Variants in EIF4G3 observed in about 807,000 individuals in gnomAD.
EIF4G3 encodes the protein eIF-4-gamma 3.
EIF4G3 carries 34 observed loss-of-function variants against 186.4 expected under a neutral mutation model. The ratio of observed to expected loss-of-function variants is 0.18; its 90% CI spans 0.14 to 0.24. The LOEUF (loss-of-function observed/expected upper bound fraction) is 0.24. Ranked by LOEUF, EIF4G3 falls within the 10% of genes least tolerant of loss-of-function variation. The pLI is 1.00. For synonymous variants in EIF4G3, 673 were observed against 679.5 expected, an observed-to-expected ratio of 0.99 and a Z score of 0.15; for missense variants, 1,536 against 1,948.5, an observed-to-expected ratio of 0.79 and a Z score of 3.99.
intron 2 of EIF4G3, among the ~76,000 whole-genome samples, chr1:21,155,179 C>T (rs962287203): frequency 2.9e-5 from 4 of 139,084 alleles, no homozygotes; most frequent in Non-Finnish European, 6.0e-5. Context: ...AGGAGAATCG[C>T]TTGAACCCAG....
At chr1:20,806,315 C>T (rs1453016752), downstream of EIF4G3, 1 of 152,546 alleles carries the variant, frequency 6.6e-6, no homozygotes, top group East Asian at 1.9e-4. Context: ...CATGTGCATG[C>T]ACATACGTGC....
In EIF4G3 at chr1:21,176,277, GCCGGGTGAGGAGGCGGTA is replaced by G; in HGVS notation, c.-392_-375del. 1 of 351,358 alleles carries G rather than the reference GCCGGGTGAGGAGGCGGTA, an allele frequency of 2.8e-6. No homozygotes were observed. Among genetic ancestry groups the G allele is most frequent in the Non-Finnish European group, 4.9e-6 (1 of 202,946 alleles). 21.8% of individuals were successfully genotyped at this position (351,358 alleles called of 1,614,324 possible). A position where few individuals can be genotyped will look rare whatever the true frequency, so the allele number is the denominator to read the frequency against. ...CGCCGCCGCCGCCGCTGCTGCCGCCGCCGGGTGAGGAGGCGGTACCGCTGCTGCCGCCGCCGCCGCCGC... is the reference window on the plus strand; with the variant it reads ...CGCCGCCGCCGCCGCTGCTGCCGCCGCCGCTGCTGCCGCCGCCGCCGCCGC... On this transcript the variant is annotated 5_prime_UTR_variant, in exon 2 of 37. Coordinates refer to ENST00000602326, the MANE Select transcript of EIF4G3 (RefSeq NM_001391906.1).
intron 4 of EIF4G3, among the ~76,000 whole-genome samples, chr1:21,019,894 A>C (rs1406512610): frequency 6.6e-6 from 1 of 152,166 alleles, no homozygotes; most frequent in Non-Finnish European, 1.5e-5. Context: ...AAACAAAACA[A>C]AACAAAACAA....
chr1:20,972,896 A>T, intron 11 of EIF4G3, 106 bp downstream of exon 11: 9 of 839,010 alleles, frequency 1.1e-5, no homozygotes, highest in Non-Finnish European at 1.6e-5. Flanking sequence ...AAAAAAAAAA[A>T]GGCACAGTAA....
chr1:20,924,561 CTTTT>C (rs1014747172), intron 14 of EIF4G3, among the ~76,000 whole-genome samples: 2 of 152,022 alleles, frequency 1.3e-5, no homozygotes, highest in African/African-American at 4.8e-5. Context: ...GAGAATTGTT[CTTTT>C]TGTTTTGTTT....
chr1:20,835,822 A>C (rs1366896190), intron 30 of EIF4G3, among the ~76,000 whole-genome samples: 1 of 151,988 alleles, frequency 6.6e-6, no homozygotes, highest in East Asian at 1.9e-4. Flanking sequence ...CTACTGTCCC[A>C]GCTACTTGAG....
intron 2 of EIF4G3, among the ~76,000 whole-genome samples, chr1:21,172,161 A>G (rs1407579122): frequency 1.4e-5 from 2 of 148,066 alleles, no homozygotes; most frequent in Non-Finnish European, 3.0e-5. Context: ...ACTGAAATCC[A>G]TTTATTAAAA....
chr1:21,139,603 G>T (rs1440137196), intron 2 of EIF4G3, among the ~76,000 whole-genome samples: 5 of 152,170 alleles, frequency 3.3e-5, no homozygotes, highest in Non-Finnish European at 5.9e-5. Context: ...AGACCTAAAT[G>T]AACTCACTAC....
chr1:21,034,444 C>T (rs547573845), intron 4 of EIF4G3, among the ~76,000 whole-genome samples: 6 of 152,218 alleles, frequency 3.9e-5, no homozygotes, highest in Admixed American at 3.9e-4. Flanking sequence ...CAGTACTCTA[C>T]ACAAATTGAA....
chr1:21,103,520 G>A (rs115651430), intron 2 of EIF4G3, among the ~76,000 whole-genome samples: 1 of 152,098 alleles, frequency 6.6e-6, no homozygotes, highest in African/African-American at 2.4e-5. Flanking sequence ...TTACAGCAGT[G>A]GAAGAATGAA....
intron 12 of EIF4G3, among the ~76,000 whole-genome samples, chr1:20,952,497 G>C (rs1404256942): frequency 6.6e-6 from 1 of 152,064 alleles, no homozygotes; most frequent in Non-Finnish European, 1.5e-5. Flanking sequence ...TTTTAATTTA[G>C]GATAATCTTG....
chr1:21,051,041 A>T, intron 3 of EIF4G3, 47 bp from the exon 4 acceptor site: 1 of 713,588 alleles, frequency 1.4e-6, no homozygotes, highest in Non-Finnish European at 2.6e-6. Flanking sequence ...TAGTAAATCA[A>T]TCTTAATAAA....
intron 10 of EIF4G3, among the ~76,000 whole-genome samples, chr1:20,974,393 T>C (rs971508600): frequency 3.9e-5 from 6 of 152,078 alleles, no homozygotes; most frequent in Admixed American, 2.6e-4. Context: ...AAGGCAGTGG[T>C]TGAAATCAAG....
At chr1:21,036,756 C>A (rs2093237406) in intron 4 of EIF4G3, among the ~76,000 whole-genome samples, 1 of 152,024 alleles carries the variant, frequency 6.6e-6, no homozygotes, top group Non-Finnish European at 1.5e-5. Flanking sequence ...TGGCATGCAC[C>A]TATAGTCTTA....
At chr1:20,966,891 G>A (rs2074815862) in intron 12 of EIF4G3, among the ~76,000 whole-genome samples, 1 of 152,076 alleles carries the variant, frequency 6.6e-6, no homozygotes, top group South Asian at 2.1e-4. Context: ...AAAGCTATTC[G>A]TTCATTCCAT....
chr1:21,053,991 G>A (rs1266701702), intron 3 of EIF4G3, among the ~76,000 whole-genome samples: 7 of 152,192 alleles, frequency 4.6e-5, no homozygotes, highest in Admixed American at 6.5e-5. Flanking sequence ...CATTGAGAAC[G>A]GGCCACGATG....
intron 7 of EIF4G3, among the ~76,000 whole-genome samples, chr1:20,983,714 A>G (rs1277847027): frequency 2.0e-5 from 3 of 152,218 alleles, no homozygotes; most frequent in Non-Finnish European, 4.4e-5. Flanking sequence ...TCAACTGTAG[A>G]GGGCAGCCCA....
At chr1:20,822,482 GGTCT>G (rs2062665430) in intron 33 of EIF4G3, among the ~76,000 whole-genome samples, 2 of 146,018 alleles carry the variant, frequency 1.4e-5, no homozygotes, top group African/African-American at 2.5e-5. Flanking sequence ...TGATTTCACT[GGTCT>G]TTCTCTAAAA....
chr1:21,090,737 C>T (rs2096168077), intron 2 of EIF4G3, among the ~76,000 whole-genome samples: 1 of 152,152 alleles, frequency 6.6e-6, no homozygotes, highest in South Asian at 2.1e-4. Context: ...CACTCCACTA[C>T]AAGAAAAACT....
Sources: allele counts gnomAD v4.1 joint callset (sites outside exome capture counted in the v4.1 genomes callset), GRCh38; gene constraint gnomAD v4.1.1; transcripts MANE v1.5; gene names NCBI Gene and HGNC (gene_info 2026-07-23, HGNC 2026-07-21).